The following NRCAM variants were observed in gnomAD, a reference collection of about 807,000 sequenced individuals.
NRCAM encodes the protein neuronal cell adhesion molecule, also known as NgCAM-related cell adhesion molecule.
NRCAM carries 83 observed loss-of-function variants against 156.5 expected under a neutral mutation model. That is an observed-to-expected ratio of 0.53 (90% CI 0.44 to 0.64). The LOEUF (loss-of-function observed/expected upper bound fraction) is 0.64, where lower values mean the gene tolerates loss of function less well. Ranked by LOEUF, NRCAM falls within the 30% of genes least tolerant of loss-of-function variation. The pLI is 0.00. For synonymous variants in NRCAM, 538 were observed against 563.9 expected (o/e 0.95, Z 0.65); for missense variants, 1,417 against 1,597.3 (o/e 0.89, Z 1.92).
At chr7:108,340,690 C>T (rs1320004579) in intron 2 of NRCAM, among the ~76,000 whole-genome samples, 1 of 152,120 alleles carries the variant, frequency 6.6e-6, no homozygotes, top group Non-Finnish European at 1.5e-5. Context: ...TAGGAAAAAG[C>T]CCATGAATTA....
intron 1 of NRCAM, among the ~76,000 whole-genome samples, chr7:108,425,088 AT>A (rs1237932287): frequency 1.3e-5 from 2 of 152,072 alleles, no homozygotes; most frequent in Non-Finnish European, 2.9e-5. Flanking sequence ...TTTCATGGAA[AT>A]TTTTTGCAAG....
chr7:108,264,427 C>T (rs1438511331), intron 3 of NRCAM, among the ~76,000 whole-genome samples: 1 of 152,208 alleles, frequency 6.6e-6, no homozygotes, highest in African/African-American at 2.4e-5. Context: ...AGATACTGCA[C>T]AACTGGGACT....
intron 2 of NRCAM, among the ~76,000 whole-genome samples, chr7:108,335,794 C>T (rs1341314194): frequency 6.6e-6 from 1 of 152,208 alleles, no homozygotes; most frequent in East Asian, 1.9e-4. Flanking sequence ...CTAGCTCACA[C>T]ATAGGACAGA....
chr7:108,400,049 G>A (rs915854801), intron 1 of NRCAM, among the ~76,000 whole-genome samples: 2 of 152,204 alleles, frequency 1.3e-5, no homozygotes, highest in African/African-American at 2.4e-5. Context: ...GATCAAGGTT[G>A]ACAATGTCAG....
At chr7:108,240,695 G>A (rs2095463883) in intron 3 of NRCAM, among the ~76,000 whole-genome samples, 1 of 152,126 alleles carries the variant, frequency 6.6e-6, no homozygotes, top group Non-Finnish European at 1.5e-5. Flanking sequence ...TGGGCTCTGA[G>A]TTCGGGCCTT....
chr7:108,166,923 G>A lies in NRCAM; in HGVS notation c.3464C>T (p.Pro1155Leu), dbSNP rs2054793216. The change falls in exon 30 of 33, where the codon CCA becomes CTA. Residue 1155 changes from proline (P) to leucine (L), a missense_variant and splice_region_variant. Pro to Leu is a moderately conservative substitution (Grantham distance 98, BLOSUM62 -3). Coordinates refer to ENST00000379028, the MANE Select transcript of NRCAM (RefSeq NM_001037132.4). ...AACAGGTGTGGTGTGAGCCTCACCTGGGCCTGTCTCAAACACATCCTCTGA... is the reference window on the plus strand; with the variant it reads ...AACAGGTGTGGTGTGAGCCTCACCTAGGCCTGTCTCAAACACATCCTCTGA... ...VSSEDVFETG[P>L]AMASRQVDIA... 1.2e-6 allele frequency: 2 copies of A among 1,613,484 alleles called. No homozygotes were observed. Among genetic ancestry groups the A allele is most frequent in the African/African-American group, 1.3e-5 (1 of 74,882 alleles).
chr7:108,443,308 T>C (rs1469541122), intron 1 of NRCAM, among the ~76,000 whole-genome samples: 2 of 152,152 alleles, frequency 1.3e-5, no homozygotes, highest in African/African-American at 4.8e-5. Flanking sequence ...GAACAGACAT[T>C]CACACCAAAT....
chr7:108,323,134 C>T lies in NRCAM; in HGVS notation c.-173-10403G>A, dbSNP rs78727243. Among the ~76,000 whole-genome samples the T allele has an allele frequency of 5.7e-3, 868 of 152,258 alleles. 8 individuals carry two copies. Among genetic ancestry groups the T allele is most frequent in the African/African-American group, 0.019 (809 of 41,566 alleles). On this transcript the variant is annotated intron_variant, in intron 2 of 32. Transcript: ENST00000379028. ...TTTAGTCAGAGGTGAATTAACAAAG[C>T]GAGGTCTATGCTAATACAAGCGCCC...
chr7:108,255,733 C>G (rs183353506), intron 3 of NRCAM, among the ~76,000 whole-genome samples: 64 of 151,444 alleles, frequency 4.2e-4, no homozygotes, highest in Non-Finnish European at 7.8e-4. Context: ...CGCCTCTGCC[C>G]GGCCACGACC....
intron 3 of NRCAM, among the ~76,000 whole-genome samples, chr7:108,268,636 T>TGGGGGGGGGGGGGGGGGGG (rs1300340254): frequency 2.4e-4 from 2 of 8,490 alleles, no homozygotes; most frequent in East Asian, 4.0e-3. Context: ...GGGGGGGGGT[T>TGGGGGGGGGGGGGGGGGGG]GGGGGGGGCG....
At chr7:108,240,548 A>G (rs925209543) in intron 3 of NRCAM, among the ~76,000 whole-genome samples, 1 of 152,224 alleles carries the variant, frequency 6.6e-6, no homozygotes, top group African/African-American at 2.4e-5. Context: ...TGGCTTCTCC[A>G]TTCTACAGAT....
At position 108,272,900 on chromosome 7, in the gene NRCAM, C is replaced by A. The variant is rs1439693869; in HGVS notation, c.-106-32730G>T. ...CTCCTAACGCTATCCCTCCCCCAGC[C>A]CCCCACCTGCCAACAGGCCCTGGTG... is the stretch of plus-strand genomic sequence containing the variant. On this transcript the variant is annotated intron_variant, in intron 3 of 32. Transcript: ENST00000379028. Among the ~76,000 whole-genome samples, 4 of 152,168 alleles carry A rather than the reference C, an allele frequency of 2.6e-5. No homozygotes were observed. The South Asian group carries it at 8.3e-4, about 32-fold the overall frequency.
At chr7:108,189,831 A>G in intron 19 of NRCAM, 85 bp from the exon 20 acceptor site, 1 of 652,920 alleles carries the variant, frequency 1.5e-6, no homozygotes, top group South Asian at 1.9e-5. Flanking sequence ...CACAGAGGGG[A>G]CATCTTAAAG....
chr7:108,334,312 T>C (rs1249766092), intron 2 of NRCAM, among the ~76,000 whole-genome samples: 1 of 152,226 alleles, frequency 6.6e-6, no homozygotes, highest in Non-Finnish European at 1.5e-5. Flanking sequence ...TAAGACATGA[T>C]AATCTTCCCA....
rs115647580 is a variant in NRCAM, at chr7:108,336,427, T to C, written c.-173-23696A>G. 4.7e-3 allele frequency among the ~76,000 whole-genome samples: 716 copies of C among 152,372 alleles called. 7 individuals carry two copies. The highest frequency in any genetic ancestry group is 0.016 in the African/African-American group (685 of 41,586). On this transcript the variant is annotated intron_variant, in intron 2 of 32. Transcript: ENST00000379028. Reference sequence around the variant, plus strand: ...CGATTAGCTGATTTAACATTATCTGTAGGAATTAACAACTAAAACGACTTG... The same window carrying C: ...CGATTAGCTGATTTAACATTATCTGCAGGAATTAACAACTAAAACGACTTG...
chr7:108,194,496 C>A, intron 15 of NRCAM, 68 bp from the exon 16 acceptor site: 1 of 1,104,220 alleles, frequency 9.1e-7, no homozygotes, highest in Non-Finnish European at 1.3e-6. Flanking sequence ...CATAAAATGC[C>A]ATGTTCAAGG....
chr7:108,166,945 C>A lies in NRCAM; in HGVS notation c.3442G>T (p.Glu1148Ter), dbSNP rs746795591. ...AVGDSGFVSS[E>*]DVFETGPAMA... Reference sequence around the variant, plus strand: ...CCTGGGCCTGTCTCAAACACATCCTCTGAACTCACAAAACCAGAGTCCCCC... The same window carrying A: ...CCTGGGCCTGTCTCAAACACATCCTATGAACTCACAAAACCAGAGTCCCCC... The change falls in exon 30 of 33, where the codon GAG (glutamate) becomes TAG (stop). Residue 1148 changes from glutamate to a stop codon, truncating the protein, a stop_gained. Coordinates refer to ENST00000379028, the MANE Select transcript of NRCAM (RefSeq NM_001037132.4). LOFTEE classifies it high-confidence loss of function. 23 of 1,613,780 alleles carry A rather than the reference C, an allele frequency of 1.4e-5. No homozygotes were observed. In the African/African-American group the frequency reaches 2.9e-4, roughly 21 times the overall value.
chr7:108,381,514 G>A (rs2099700791), intron 2 of NRCAM, among the ~76,000 whole-genome samples: 1 of 150,758 alleles, frequency 6.6e-6, no homozygotes, highest in South Asian at 2.1e-4. Flanking sequence ...CTAGTAAAGA[G>A]TTGCTTTGAG....
chr7:108,166,844 G>T, intron 30 of NRCAM, 77 bp downstream of exon 30: 1 of 1,384,444 alleles, frequency 7.2e-7, no homozygotes, highest in Non-Finnish European at 1.0e-6. Context: ...AGCTCCACCA[G>T]CCCCCATCTC....
Sources: allele counts gnomAD v4.1 joint callset (sites outside exome capture counted in the v4.1 genomes callset), GRCh38; gene constraint gnomAD v4.1.1; transcripts MANE v1.5; gene names NCBI Gene and HGNC (gene_info 2026-07-23, HGNC 2026-07-21).